PCNT: variants seen among roughly 807,000 people sequenced by gnomAD.
PCNT encodes the protein pericentrin, also known as kendrin.
Under a neutral mutation model 380.4 loss-of-function variants are expected in PCNT, and 319 were observed. That is an observed-to-expected ratio of 0.84 (90% CI 0.77 to 0.92). The LOEUF (loss-of-function observed/expected upper bound fraction) is 0.92, where lower values mean the gene tolerates loss of function less well. PCNT is among the 40% of genes least tolerant of loss of function. The probability of loss-of-function intolerance (pLI) is 0.00; values close to 1 mark genes in which losing one functional copy is unlikely to be tolerated. For synonymous variants in PCNT, 1,845 were observed against 1,735.2 expected, an observed-to-expected ratio of 1.06 and a Z score of -1.57; for missense variants, 4,400 against 4,255.3, an observed-to-expected ratio of 1.03 and a Z score of -0.95.
intron 44 of PCNT, among the ~76,000 whole-genome samples, chr21:46,443,387 A>G (rs73381173): frequency 0.054 from 8,219 of 152,236 alleles, 493 homozygotes; most frequent in African/African-American, 0.15. Context: ...TGGCAGCTGT[A>G]TCAGTGTTGA....
Position 46,411,450 on chromosome 21 carries a change from G to A in PCNT, c.5377G>A (p.Glu1793Lys), listed in dbSNP as rs201379409. 3.4e-5 allele frequency: 54 copies of A among 1,611,046 alleles called. No individual in the cohort carries two copies. Among genetic ancestry groups the A allele is most frequent in the Admixed American group, 3.0e-4 (18 of 59,836 alleles). ...PRGQALQGEL[E>K]AALEAKEALS... ...TGGGCAGGCCCTACAGGGCGAGCTC[G>A]AGGCTGCGCTGGAAGCCAAGGAGGC... Residue 1793 changes from glutamate (E) to lysine (K), a missense_variant, in exon 28 of 47, where the codon GAG (glutamate) becomes AAG (lysine). Physicochemically the swap from Glu to Lys is moderately conservative, Grantham distance 56. Coordinates refer to ENST00000359568, the MANE Select transcript of PCNT (RefSeq NM_006031.6).
chr21:46,411,976 C>T lies in PCNT; in HGVS notation c.5903C>T (p.Pro1968Leu), dbSNP rs2086803172. Residue 1968 changes from proline (P) to leucine (L), a missense_variant, in exon 28 of 47, where the codon CCT becomes CTT. Physicochemically the swap from Pro to Leu is moderately conservative, Grantham distance 98 (BLOSUM62 -3). Transcript: ENST00000359568. Reference sequence around the variant, plus strand: ...CGGGTGCCCGGGGCCCACCCACAGCCTCGCATGGATGGTGGCGCCAAGGCC... The same window carrying T: ...CGGGTGCCCGGGGCCCACCCACAGCTTCGCATGGATGGTGGCGCCAAGGCC... ...HTRVPGAHPQPRMDGGAKAQV... is the reference protein window; with the variant it reads ...HTRVPGAHPQLRMDGGAKAQV... The T allele has an allele frequency of 6.2e-7, 1 of 1,603,004 alleles. No individual in the cohort carries two copies. The highest frequency in any genetic ancestry group is 8.5e-7 in the Non-Finnish European group (1 of 1,179,720).
Position 46,363,664 on chromosome 21 carries a change from C to A in PCNT, c.2339C>A (p.Ser780Tyr). Residue 780 changes from serine to tyrosine, a missense_variant, in exon 14 of 47, where the codon TCC becomes TAC. Physicochemically the swap from Ser to Tyr is moderately radical, Grantham distance 144. Transcript: ENST00000359568. ...CTTGAACTGAGAGAAAAGGCTGAATCCGAGAAACAGACCATCATAAACAAG... is the reference window on the plus strand; with the variant it reads ...CTTGAACTGAGAGAAAAGGCTGAATACGAGAAACAGACCATCATAAACAAG... Reference protein sequence around the residue: ...MLLELREKAESEKQTIINKFE... With the variant: ...MLLELREKAEYEKQTIINKFE... The A allele has an allele frequency of 6.2e-7, 1 of 1,614,210 alleles. No individual in the cohort carries two copies. The highest frequency in any genetic ancestry group is 1.1e-5 in the South Asian group (1 of 91,086).
chr21:46,369,376 G>A (rs1569210708), intron 15 of PCNT, among the ~76,000 whole-genome samples: 1 of 152,208 alleles, frequency 6.6e-6, no homozygotes, highest in Non-Finnish European at 1.5e-5. Flanking sequence ...TCCCAGCTTG[G>A]GAGGTGCCTC....
intron 13 of PCNT, among the ~76,000 whole-genome samples, chr21:46,359,051 A>G (rs1378893109): frequency 6.7e-6 from 1 of 149,010 alleles, no homozygotes; most frequent in African/African-American, 2.5e-5. Context: ...CTCGTGATCC[A>G]CCCGCCTCAG....
At chr21:46,444,668 C>A (rs745650479) in intron 45 of PCNT, 26 bp from the exon 46 acceptor site, 148 of 1,355,150 alleles carry the variant, frequency 1.1e-4, no homozygotes, top group Non-Finnish European at 1.2e-4. Context: ...TTTTTTTCTT[C>A]TCTTGGTGTG....
intron 32 of PCNT, among the ~76,000 whole-genome samples, chr21:46,424,070 G>A (rs952213851): frequency 6.6e-6 from 1 of 152,188 alleles, no homozygotes; most frequent in Admixed American, 6.5e-5. Flanking sequence ...GGAGCTGGGT[G>A]CTTGCCCCAC....
At chr21:46,375,853 C>T (rs910606000) in intron 15 of PCNT, among the ~76,000 whole-genome samples, 2 of 152,248 alleles carry the variant, frequency 1.3e-5, no homozygotes, top group African/African-American at 2.4e-5. Flanking sequence ...TGAGAGTGTG[C>T]AGGCAGGACA....
At chr21:46,436,681 G>T (rs751929978) in intron 39 of PCNT, among the ~76,000 whole-genome samples, 1 of 152,128 alleles carries the variant, frequency 6.6e-6, no homozygotes, top group Non-Finnish European at 1.5e-5. Flanking sequence ...GTTTCACTTA[G>T]GACAGCATTT....
At chr21:46,431,187 A>AT in intron 37 of PCNT, 1 of 1,215,902 alleles carries the variant, frequency 8.2e-7, no homozygotes, top group South Asian at 1.7e-5. Context: ...TGGTGGAGTG[A>AT]TTTTCTGAAG....
intron 1 of PCNT, among the ~76,000 whole-genome samples, chr21:46,324,494 G>T (rs1257832449): frequency 1.3e-5 from 2 of 150,434 alleles, no homozygotes; most frequent in African/African-American, 4.9e-5. Flanking sequence ...CCCCGCCGCG[G>T]CCACAGCCAA....
chr21:46,334,751 C>G lies in PCNT; in HGVS notation c.622C>G (p.Arg208Gly), dbSNP rs147670433. 1 of 1,614,100 alleles carries G rather than the reference C, an allele frequency of 6.2e-7. No homozygotes were observed. The highest frequency in any genetic ancestry group is 1.3e-5 in the African/African-American group (1 of 74,948). The change falls in exon 3 of 47, where the codon CGT becomes GGT. Residue 208 changes from arginine (R) to glycine (G), a missense_variant. Physicochemically the swap from Arg to Gly is moderately radical, Grantham distance 125. Coordinates refer to ENST00000359568, the MANE Select transcript of PCNT (RefSeq NM_006031.6). Reference protein sequence around the residue: ...FTISDHPAEQRGMFTKECEQE... With the variant: ...FTISDHPAEQGGMFTKECEQE... ...AATCAGTGACCACCCAGCAGAACAG[C>G]GTGGGATGTTCACAAAGGTATTCTT...
intron 3 of PCNT, among the ~76,000 whole-genome samples, chr21:46,336,756 G>A (rs1293081117): frequency 6.6e-6 from 1 of 152,086 alleles, no homozygotes; most frequent in African/African-American, 2.4e-5. Flanking sequence ...GGTGTGCCTG[G>A]GAGCTAGTCT....
chr21:46,426,942 G>A (rs1731736870), intron 33 of PCNT, among the ~76,000 whole-genome samples: 2 of 152,180 alleles, frequency 1.3e-5, no homozygotes, highest in South Asian at 2.1e-4. Context: ...ATGGAGAGCC[G>A]GTGGGAGGGT....
In PCNT at chr21:46,416,176, C is replaced by G. The variant is rs148128278; in HGVS notation, c.6258C>G (p.Phe2086Leu). Residue 2086 changes from phenylalanine (F) to leucine (L), a missense_variant, in exon 30 of 47, where the codon TTC becomes TTG. Phe to Leu is a conservative substitution (Grantham distance 22). Transcript: ENST00000359568. ...ACCGTTTGCTGTATTCCATGACCTT[C>G]CAGAATGTGGATGCTGCCGACACCA... The part of the protein sequence containing the change: ...KLNRLLYSMT[F>L]QNVDAADTKS... 8.6e-5 allele frequency: 139 copies of G among 1,614,198 alleles called. No individual in the cohort carries two copies. In the African/African-American group the frequency reaches 1.7e-3, roughly 20 times the overall value.
At chr21:46,437,749 T>C (rs542128106) in intron 40 of PCNT, among the ~76,000 whole-genome samples, 42 of 152,210 alleles carry the variant, frequency 2.8e-4, no homozygotes, top group African/African-American at 7.9e-4. Context: ...TGAACGTCGT[T>C]GTGGGTGGGG....
chr21:46,393,946 G>C (rs1345452570), intron 21 of PCNT, among the ~76,000 whole-genome samples: 1 of 152,258 alleles, frequency 6.6e-6, no homozygotes, highest in East Asian at 1.9e-4. Context: ...CAGGCGCCTG[G>C]CATGCCGGGA....
intron 19 of PCNT, among the ~76,000 whole-genome samples, chr21:46,390,144 T>G: frequency 6.6e-6 from 1 of 152,134 alleles, no homozygotes; most frequent in East Asian, 1.9e-4. Context: ...CTGGGCAACA[T>G]AGCGAGACCT....
At position 46,415,942 on chromosome 21, in the gene PCNT, T is replaced by G. The variant is rs554931043; in HGVS notation, c.6151-127T>G. The G allele has an allele frequency of 1.6e-4, 131 of 822,192 alleles. 1 individual carries two copies. In the South Asian group the frequency reaches 1.8e-3, roughly 11 times the overall value. The allele number at this position is 822,192 out of a possible 1,614,324, so 50.9% of individuals were successfully genotyped here. A position where few individuals can be genotyped will look rare whatever the true frequency, so the allele number is the denominator to read the frequency against. On this transcript the variant is annotated intron_variant, in intron 29 of 46. Transcript: ENST00000359568. ...CATAGAATTAAATAAACTTGAAATG[T>G]GCAGGGCTCATTGTGGAATCACCCG... is the stretch of plus-strand genomic sequence containing the variant.
Sources: gnomAD v4.1 joint callset for allele counts (sites outside exome capture counted in the v4.1 genomes callset) on GRCh38, gnomAD v4.1.1 for gene constraint, MANE v1.5 for transcripts, NCBI Gene and HGNC (gene_info 2026-07-23, HGNC 2026-07-21) for gene names.